Variants in TEX101 observed in about 807,000 individuals in gnomAD.
The protein encoded by TEX101 is testis expressed 101.
Under a neutral mutation model 18.1 loss-of-function variants are expected in TEX101, and 10 were observed. That is an observed-to-expected ratio of 0.55 (90% CI 0.34 to 0.94). The LOEUF is 0.94. Ranked by LOEUF, TEX101 falls within the 40% of genes least tolerant of loss-of-function variation. TEX101 has a pLI of 0.02. For synonymous variants in TEX101, 94 were observed against 114.8 expected, an observed-to-expected ratio of 0.82 and a Z score of 1.16; for missense variants, 259 against 298.9, an observed-to-expected ratio of 0.87 and a Z score of 0.98.
upstream of TEX101, among the ~76,000 whole-genome samples, chr19:43,398,348 T>A (rs575333488): frequency 6.8e-6 from 1 of 148,106 alleles, no homozygotes; most frequent in African/African-American, 2.5e-5. Context: ...CCATCTTCGC[T>A]CACTGCAACC....
At chr19:43,400,989 G>C (rs1970313594), upstream of TEX101, among the ~76,000 whole-genome samples, 1 of 152,120 alleles carries the variant, frequency 6.6e-6, no homozygotes, top group South Asian at 2.1e-4. Flanking sequence ...TTTGAGGGCT[G>C]AGCTGATTTC....
At position 43,418,505 on chromosome 19, in the gene TEX101, A is replaced by G. The variant is rs565604338; in HGVS notation, c.*108A>G. The G allele has an allele frequency of 3.0e-5, 26 of 866,832 alleles. No homozygotes were observed. The African/African-American group carries it at 4.4e-4, about 15-fold the overall frequency. The allele number at this position is 866,832 out of a possible 1,614,324, so 53.7% of individuals were successfully genotyped here. Reference sequence around the variant, plus strand: ...TAGATGGGAATTTGAGGGAGAATACAGAGATACTATGAACGTATTTGACAT... The same window carrying G: ...TAGATGGGAATTTGAGGGAGAATACGGAGATACTATGAACGTATTTGACAT... On this transcript the variant is annotated 3_prime_UTR_variant, in exon 6 of 6. Coordinates refer to ENST00000598265, the MANE Select transcript of TEX101 (RefSeq NM_001130011.3).
At chr19:43,391,415 T>C in the TEX101 span, among the ~76,000 whole-genome samples, 15 of 148,958 alleles carry the variant, frequency 1.0e-4, no homozygotes, top group African/African-American at 2.5e-4. Flanking sequence ...TCTTTTTTTT[T>C]TTTTTTTTTT....
the TEX101 span, among the ~76,000 whole-genome samples, chr19:43,390,298 G>C: frequency 6.6e-6 from 1 of 152,026 alleles, no homozygotes; most frequent in African/African-American, 2.4e-5. Flanking sequence ...CCCCACGCCA[G>C]ACCCAGTAGC....
intron 4 of TEX101, 106 bp downstream of exon 4, chr19:43,416,661 C>G: frequency 9.4e-7 from 1 of 1,058,850 alleles, no homozygotes; most frequent in Non-Finnish European, 1.4e-6. Flanking sequence ...GGTCCATACC[C>G]CAAAGTACCT....
the TEX101 span, among the ~76,000 whole-genome samples, chr19:43,396,116 G>A: frequency 2.0e-5 from 3 of 152,164 alleles, no homozygotes; most frequent in Non-Finnish European, 4.4e-5. Flanking sequence ...TGCAGACTTG[G>A]AGCTCAGGTC....
In TEX101 at chr19:43,415,981, C is replaced by A. The variant is rs1241942877; in HGVS notation, c.62C>A (p.Thr21Asn). The A allele has an allele frequency of 6.2e-7, 1 of 1,614,082 alleles. No individual in the cohort carries two copies. The highest frequency in any genetic ancestry group is 8.5e-7 in the Non-Finnish European group (1 of 1,179,956). ...CTGGTCCTAGGAGCCTCCCTCCTGA[C>A]CTGTGCGTATGGGGGACATAGGGGA... ...ILLVLGASLL[T>N]SGLELYCQKG... The change falls in exon 2 of 6, where the codon ACC (threonine) becomes AAC (asparagine). Residue 21 changes from threonine (T) to asparagine (N), a missense_variant and splice_region_variant. By Grantham distance (65) the Thr-to-Asn change is moderately conservative. Transcript: ENST00000598265.
the TEX101 span, among the ~76,000 whole-genome samples, chr19:43,392,610 G>A: frequency 6.6e-6 from 1 of 152,012 alleles, no homozygotes; most frequent in African/African-American, 2.4e-5. Flanking sequence ...TAGTCAAGCT[G>A]ATGGGGCCAC....
upstream of TEX101, among the ~76,000 whole-genome samples, chr19:43,411,665 A>C (rs1378409911): frequency 6.6e-6 from 1 of 150,708 alleles, no homozygotes; most frequent in Non-Finnish European, 1.5e-5. Context: ...TTTTTTTGAG[A>C]CCAAGACCAA....
In TEX101 at chr19:43,415,260, C is replaced by T. The variant is rs528378808; in HGVS notation, c.-40+222C>T. Among the ~76,000 whole-genome samples, 5 of 152,090 alleles carry T rather than the reference C, an allele frequency of 3.3e-5. No homozygotes were observed. The South Asian group carries it at 6.2e-4, about 19-fold the overall frequency. On this transcript the variant is annotated intron_variant, in intron 1 of 5. Coordinates refer to ENST00000598265, the MANE Select transcript of TEX101 (RefSeq NM_001130011.3). ...GGCTGGGGGCCGAGATTCTGGGTCC[C>T]TGAGAGAATGTAAGGGACCCCTGAG...
At chr19:43,415,521 G>C (rs188092066) in intron 1 of TEX101, among the ~76,000 whole-genome samples, 373 of 152,212 alleles carry the variant, frequency 2.5e-3, no homozygotes, top group African/African-American at 8.3e-3. Flanking sequence ...CAGCACTATG[G>C]GGGGACGAGG....
At chr19:43,394,749 C>T in the TEX101 span, among the ~76,000 whole-genome samples, 2 of 152,116 alleles carry the variant, frequency 1.3e-5, no homozygotes, top group South Asian at 2.1e-4. Context: ...GGATTACAGG[C>T]GTGAGCCACT....
chr19:43,401,778 G>A (rs763090390), intron 1 of TEX101, among the ~76,000 whole-genome samples: 8 of 152,112 alleles, frequency 5.3e-5, no homozygotes, highest in Admixed American at 2.6e-4. Context: ...GCTTGAACCC[G>A]GGAGGCGGTA....
chr19:43,410,401 G>A (rs550833495), upstream of TEX101, among the ~76,000 whole-genome samples: 1 of 152,184 alleles, frequency 6.6e-6, no homozygotes, highest in African/African-American at 2.4e-5. Flanking sequence ...GGATGTCCTG[G>A]GAATAGATAT....
the TEX101 span, among the ~76,000 whole-genome samples, chr19:43,395,903 CCTT>C: frequency 6.6e-6 from 1 of 152,252 alleles, no homozygotes; most frequent in African/African-American, 2.4e-5. Flanking sequence ...CGCCAATCCT[CCTT>C]CAGCTTCTCC....
chr19:43,413,823 G>A (rs917825885), upstream of TEX101, among the ~76,000 whole-genome samples: 1 of 152,152 alleles, frequency 6.6e-6, no homozygotes, highest in African/African-American at 2.4e-5. Flanking sequence ...TGTGGTGGCA[G>A]GTGCCTGTAA....
At chr19:43,405,349 A>C (rs1970351127) in intron 2 of TEX101, among the ~76,000 whole-genome samples, 2 of 151,978 alleles carry the variant, frequency 1.3e-5, no homozygotes. Flanking sequence ...TGGGTGGATC[A>C]CCTGAGGTCA....
chr19:43,403,381 C>G (rs1349112920), intron 2 of TEX101, among the ~76,000 whole-genome samples: 5 of 152,082 alleles, frequency 3.3e-5, no homozygotes, highest in Non-Finnish European at 7.4e-5. Context: ...CACATGTTCT[C>G]ACTCATAGGT....
chr19:43,390,643 A>G, the TEX101 span, among the ~76,000 whole-genome samples: 3 of 150,810 alleles, frequency 2.0e-5, no homozygotes, highest in Non-Finnish European at 4.4e-5. Context: ...AATTTTTTGT[A>G]GTTTTAGCAG....
Sources: gnomAD v4.1 joint callset for allele counts (sites outside exome capture counted in the v4.1 genomes callset) on GRCh38, gnomAD v4.1.1 for gene constraint, MANE v1.5 for transcripts, NCBI Gene and HGNC (gene_info 2026-07-23, HGNC 2026-07-21) for gene names.